The following MFSD8 variants were observed in gnomAD, a reference collection of about 807,000 sequenced individuals.
The protein encoded by MFSD8 is major facilitator superfamily domain containing 8.
MFSD8 carries 55 observed loss-of-function variants against 66.4 expected under a neutral mutation model. The observed-to-expected ratio is 0.83, with a 90% CI of 0.67 to 1.04. The LOEUF (loss-of-function observed/expected upper bound fraction) is 1.04, where lower values mean the gene tolerates loss of function less well. MFSD8 is among the 50% of genes least tolerant of loss of function. The pLI is 0.00. For synonymous variants in MFSD8, 202 were observed against 212.8 expected (o/e 0.95, Z 0.44); for missense variants, 550 against 627.6 (o/e 0.88, Z 1.32).
intron 2 of MFSD8, among the ~76,000 whole-genome samples, chr4:127,951,094 A>C (rs1338920619): frequency 1.3e-5 from 2 of 152,122 alleles, no homozygotes; most frequent in Admixed American, 1.3e-4. Context: ...AATAAATTTA[A>C]AAATAGCTGT....
chr4:127,933,649 T>C (rs1317231087), intron 7 of MFSD8: 1 of 152,916 alleles, frequency 6.5e-6, no homozygotes, highest in Non-Finnish European at 1.5e-5. Context: ...TCTTAAGAAA[T>C]ACTCAGATGT....
chr4:127,925,241 T>C (rs1736996235), intron 9 of MFSD8, among the ~76,000 whole-genome samples: 1 of 152,112 alleles, frequency 6.6e-6, no homozygotes, highest in African/African-American at 2.4e-5. Context: ...AATTGATAAA[T>C]GGGATCTAAT....
chr4:127,942,713 C>T (rs1465973527), intron 4 of MFSD8, among the ~76,000 whole-genome samples: 3 of 150,098 alleles, frequency 2.0e-5, no homozygotes, highest in Non-Finnish European at 3.0e-5. Context: ...TAAAAAAGCA[C>T]TGAGTGAATG....
chr4:127,947,359 C>T, intron 3 of MFSD8, among the ~76,000 whole-genome samples: 1 of 151,832 alleles, frequency 6.6e-6, no homozygotes, highest in East Asian at 1.9e-4. Context: ...GGTGGGTGGA[C>T]CACCTGAGGT....
intron 8 of MFSD8, among the ~76,000 whole-genome samples, chr4:127,931,871 G>A (rs1560734284): frequency 6.6e-6 from 1 of 152,192 alleles, no homozygotes; most frequent in Non-Finnish European, 1.5e-5. Flanking sequence ...CACTTTGGGA[G>A]GCCAAGGTGA....
chr4:127,934,933 T>C (rs1738799857), intron 7 of MFSD8, among the ~76,000 whole-genome samples: 1 of 139,328 alleles, frequency 7.2e-6, no homozygotes, highest in African/African-American at 2.7e-5. Flanking sequence ...TAGTGTCAGT[T>C]GTTGTTAGTG....
At chr4:127,927,994 G>A (rs573241515) in intron 9 of MFSD8, among the ~76,000 whole-genome samples, 4 of 152,054 alleles carry the variant, frequency 2.6e-5, no homozygotes, top group Admixed American at 2.6e-4. Context: ...CTAAATTGCT[G>A]GGGTTGCAGA....
chr4:127,923,924 TC>T (rs1455870660), intron 9 of MFSD8, among the ~76,000 whole-genome samples: 11 of 152,120 alleles, frequency 7.2e-5, no homozygotes, highest in African/African-American at 2.4e-4. Flanking sequence ...TCGATGTTCA[TC>T]AGGGATATTG....
chr4:127,943,723 C>T (rs1740579085), intron 4 of MFSD8, 29 bp downstream of exon 4: 1 of 1,613,684 alleles, frequency 6.2e-7, no homozygotes, highest in Non-Finnish European at 8.5e-7. Flanking sequence ...GTGAATATGA[C>T]ACAACCAAAC....
At chr4:127,940,660 T>A (rs941338722) in intron 5 of MFSD8, among the ~76,000 whole-genome samples, 2 of 151,644 alleles carry the variant, frequency 1.3e-5, no homozygotes, top group Admixed American at 1.3e-4. Flanking sequence ...AAGTTTTTTT[T>A]AGTGATTTTA....
rs373923336 is a variant in MFSD8 at position 127,921,953 on chromosome 4, G to A, written c.1009C>T (p.Arg337Cys). The change falls in exon 10 of 12, where the codon CGT becomes TGT. Residue 337 changes from arginine to cysteine, a missense_variant. Coordinates refer to ENST00000641686, the MANE Select transcript of MFSD8 (RefSeq NM_001371596.2). ...ATGAGTCCTCCCAGTAGAATAGCAC[G>A]CTCGCCAATCCTGTTAAAGAACAGA... ...VKLLSKKIGE[R>C]AILLGGLIVV... 9 of 1,613,642 alleles carry A rather than the reference G, an allele frequency of 5.6e-6. No homozygotes were observed. The highest frequency in any genetic ancestry group is 2.2e-5 in the East Asian group (1 of 44,894).
chr4:127,956,584 C>A (rs1337543388), intron 2 of MFSD8, among the ~76,000 whole-genome samples: 1 of 151,416 alleles, frequency 6.6e-6, no homozygotes, highest in Non-Finnish European at 1.5e-5. Context: ...TTTGGGAGGC[C>A]GAGGTGGGCA....
rs1740280377 is a variant in MFSD8, at chr4:127,942,064, T to C, written c.534A>G (p.Leu178=). Residue 178 remains leucine, a synonymous_variant, in exon 5 of 12, where the codon TTA becomes TTG. Coordinates refer to ENST00000641686, the MANE Select transcript of MFSD8 (RefSeq NM_001371596.2). Reference sequence around the variant, plus strand: ...ACCTACCTGGACCTAGAATAAAACCTAATGCTTGACACATGCTTATGTTTG... The same window carrying C: ...ACCTACCTGGACCTAGAATAAAACCCAATGCTTGACACATGCTTATGTTTG... ...SMANISMCQA[L]GFILGPVFQT... 6.2e-7 allele frequency: 1 copy of C among 1,613,874 alleles called. No individual in the cohort carries two copies. The highest frequency in any genetic ancestry group is 2.2e-5 in the East Asian group (1 of 44,846).
chr4:127,963,706 A>T (rs1744268147), intron 1 of MFSD8, among the ~76,000 whole-genome samples: 2 of 152,334 alleles, frequency 1.3e-5, no homozygotes, highest in South Asian at 4.1e-4. Flanking sequence ...GTATGGTCCC[A>T]AAGAGTGAGC....
chr4:127,958,733 A>AT, intron 1 of MFSD8, among the ~76,000 whole-genome samples: 1 of 152,194 alleles, frequency 6.6e-6, no homozygotes, highest in Non-Finnish European at 1.5e-5. Context: ...AAAACCAGAT[A>AT]TATCTAAGTT....
At chr4:127,950,339 A>G (rs1741735181) in intron 2 of MFSD8, among the ~76,000 whole-genome samples, 2 of 152,224 alleles carry the variant, frequency 1.3e-5, no homozygotes, top group Admixed American at 1.3e-4. Flanking sequence ...TATTTCTGCT[A>G]GCCTTTACTA....
intron 1 of MFSD8, among the ~76,000 whole-genome samples, chr4:127,962,093 A>ATGCAG (rs1212870749): frequency 6.6e-6 from 1 of 152,200 alleles, no homozygotes; most frequent in Non-Finnish European, 1.5e-5. Context: ...CAAAAACATG[A>ATGCAG]TGCAGAACAG....
At chr4:127,922,003 A>C in intron 9 of MFSD8, 40 bp from the exon 10 acceptor site, 3 of 1,497,424 alleles carry the variant, frequency 2.0e-6, no homozygotes, top group Admixed American at 1.7e-5. Context: ...AAAATGAAAC[A>C]TTATAACATA....
intron 4 of MFSD8, among the ~76,000 whole-genome samples, chr4:127,943,227 A>T (rs1415844210): frequency 6.6e-6 from 1 of 152,054 alleles, no homozygotes; most frequent in Non-Finnish European, 1.5e-5. Flanking sequence ...CAAAAAAAAA[A>T]AAAAATTATT....
Sources: gnomAD v4.1 joint callset for allele counts (sites outside exome capture counted in the v4.1 genomes callset) on GRCh38, gnomAD v4.1.1 for gene constraint, MANE v1.5 for transcripts, NCBI Gene and HGNC (gene_info 2026-07-23, HGNC 2026-07-21) for gene names.